MYO3A: variants seen among roughly 807,000 people sequenced by gnomAD.
MYO3A encodes myosin IIIA, also known as myosin-IIIa.
In MYO3A, 180 loss-of-function variants were observed where a neutral mutation model predicts 192.7. The observed-to-expected ratio is 0.93, with a 90% CI of 0.83 to 1.06. MYO3A has a LOEUF of 1.06. Among genes scored for constraint, MYO3A ranks in the 50% least tolerant of loss-of-function variants. MYO3A has a pLI of 0.00. For missense variants in MYO3A, 1,896 were observed against 1,905.0 expected, an observed-to-expected ratio of 1.00 and a Z score of 0.09; for synonymous variants, 628 against 645.3, an observed-to-expected ratio of 0.97 and a Z score of 0.41.
intron 18 of MYO3A, among the ~76,000 whole-genome samples, chr10:26,124,893 C>T (rs945588446): frequency 4.6e-5 from 7 of 152,140 alleles, no homozygotes; most frequent in Admixed American, 2.6e-4. Flanking sequence ...AGTATAAGTA[C>T]ATGAATGTCA....
At chr10:26,179,089 ATTTT>A (rs59025321) in intron 31 of MYO3A, among the ~76,000 whole-genome samples, 55 of 66,132 alleles carry the variant, frequency 8.3e-4, no homozygotes, top group African/African-American at 3.5e-3. Context: ...GCCCAGCCTA[ATTTT>A]TTTTTTTTTT....
chr10:26,008,902 C>T (rs1841422447), intron 6 of MYO3A, among the ~76,000 whole-genome samples: 1 of 151,774 alleles, frequency 6.6e-6, no homozygotes, highest in Admixed American at 6.6e-5. Flanking sequence ...GACTCTAAAT[C>T]ATGCTGCTAT....
rs539324401 is a variant in MYO3A at position 26,143,094 on chromosome 10, G to C, written c.2263-354G>C. 1.8e-4 allele frequency among the ~76,000 whole-genome samples: 27 copies of C among 152,310 alleles called. No individual in the cohort carries two copies. The South Asian group carries it at 5.4e-3, about 30-fold the overall frequency. On this transcript the variant is annotated intron_variant, in intron 20 of 34. Coordinates refer to ENST00000642920, the MANE Select transcript of MYO3A (RefSeq NM_017433.5). The stretch of plus-strand genomic sequence containing the variant: ...GCCTGTAATCCCAGCACTTTGGGAG[G>C]TTGAGGCGGGAGGATCACTTGAGGT...
chr10:26,007,939 A>G (rs1350056394), intron 6 of MYO3A, among the ~76,000 whole-genome samples: 1 of 152,118 alleles, frequency 6.6e-6, no homozygotes, highest in African/African-American at 2.4e-5. Flanking sequence ...ATCCTAAGCC[A>G]AAAGAACAAA....
intron 19 of MYO3A, among the ~76,000 whole-genome samples, chr10:26,125,947 T>C (rs947727231): frequency 2.0e-5 from 3 of 152,204 alleles, no homozygotes; most frequent in African/African-American, 7.2e-5. Context: ...TATGCTTGTA[T>C]AAAATGTCAG....
At chr10:26,033,488 A>G (rs1170875852) in intron 10 of MYO3A, among the ~76,000 whole-genome samples, 1 of 152,154 alleles carries the variant, frequency 6.6e-6, no homozygotes, top group Non-Finnish European at 1.5e-5. Context: ...AGTCCAAACC[A>G]GGACTAAATG....
chr10:25,994,574 C>T (rs565589681), intron 4 of MYO3A, among the ~76,000 whole-genome samples: 1 of 152,144 alleles, frequency 6.6e-6, no homozygotes, highest in Non-Finnish European at 1.5e-5. Flanking sequence ...TGGTTGTTTG[C>T]TCATTAGTTG....
In MYO3A at chr10:26,134,474, C is replaced by T. The variant is rs192167319; in HGVS notation, c.2262+5936C>T. Among the ~76,000 whole-genome samples the T allele has an allele frequency of 8.9e-3, 1,359 of 151,898 alleles. 29 individuals carry two copies. The highest frequency in any genetic ancestry group is 0.031 in the African/African-American group (1,276 of 41,428). On this transcript the variant is annotated intron_variant, in intron 20 of 34. Transcript: ENST00000642920. ...CGTTTTTACAGGACAAGTATTATCA[C>T]TGTTTTTTAGAATTTAAAAAAGTTA...
intron 34 of MYO3A, among the ~76,000 whole-genome samples, chr10:26,211,547 C>A (rs1248130737): frequency 6.6e-6 from 1 of 152,150 alleles, no homozygotes; most frequent in East Asian, 1.9e-4. Context: ...TGAATTATTG[C>A]AATCCAAACT....
At chr10:26,035,034 A>T (rs1339810) in intron 10 of MYO3A, among the ~76,000 whole-genome samples, 72,059 of 151,796 alleles carry the variant, frequency 0.47, 17,955 homozygotes, top group Middle Eastern at 0.59. Flanking sequence ...AGTAAAGGAA[A>T]TGTCCCTGTC....
intron 31 of MYO3A, among the ~76,000 whole-genome samples, chr10:26,187,406 C>T (rs1459409882): frequency 6.6e-6 from 1 of 152,140 alleles, no homozygotes; most frequent in Non-Finnish European, 1.5e-5. Flanking sequence ...ATCAAGGTGT[C>T]AGCAAGGTTG....
chr10:26,156,135 A>T (rs1384168517), intron 25 of MYO3A, among the ~76,000 whole-genome samples: 2 of 152,198 alleles, frequency 1.3e-5, no homozygotes, highest in African/African-American at 4.8e-5. Flanking sequence ...CGAGTAAAGG[A>T]ATGATGACTT....
intron 10 of MYO3A, among the ~76,000 whole-genome samples, chr10:26,040,843 G>C (rs1416159009): frequency 1.3e-5 from 2 of 152,060 alleles, no homozygotes; most frequent in Non-Finnish European, 2.9e-5. Flanking sequence ...TTACCCATGT[G>C]CTGAGGAGAA....
At chr10:25,938,291 A>T (rs867078687) in intron 2 of MYO3A, among the ~76,000 whole-genome samples, 2 of 152,226 alleles carry the variant, frequency 1.3e-5, no homozygotes, top group African/African-American at 4.8e-5. Context: ...GTCCTGGGGC[A>T]GAAAAGGGTT....
At chr10:26,077,325 A>ATTACTGAT (rs1835656859) in intron 14 of MYO3A, among the ~76,000 whole-genome samples, 1 of 139,590 alleles carries the variant, frequency 7.2e-6, no homozygotes, top group South Asian at 2.4e-4. Flanking sequence ...ATATAGAAGA[A>ATTACTGAT]TTACTGATTT....
chr10:26,142,089 C>T (rs548669679), intron 20 of MYO3A, among the ~76,000 whole-genome samples: 52 of 152,160 alleles, frequency 3.4e-4, no homozygotes, highest in Middle Eastern at 6.8e-3. Context: ...TGTGGAGGGC[C>T]GGGAGCTTGT....
chr10:26,052,647 G>A (rs1182089886), intron 10 of MYO3A, among the ~76,000 whole-genome samples: 1 of 152,206 alleles, frequency 6.6e-6, no homozygotes, highest in African/African-American at 2.4e-5. Flanking sequence ...CAAAACCATT[G>A]CTTGGATTTA....
intron 15 of MYO3A, among the ~76,000 whole-genome samples, chr10:26,091,755 T>C (rs892398407): frequency 2.0e-5 from 3 of 152,260 alleles, no homozygotes; most frequent in African/African-American, 7.2e-5. Context: ...AAGAGAATTT[T>C]AATAAGTTGC....
At chr10:26,103,497 A>G (rs1837605140) in intron 17 of MYO3A, among the ~76,000 whole-genome samples, 2 of 152,174 alleles carry the variant, frequency 1.3e-5, no homozygotes, top group South Asian at 2.1e-4. Context: ...AGCTGTTCCT[A>G]TTCGGCCATC....
Sources: gnomAD v4.1 joint callset for allele counts (sites outside exome capture counted in the v4.1 genomes callset) on GRCh38, gnomAD v4.1.1 for gene constraint, MANE v1.5 for transcripts, NCBI Gene and HGNC (gene_info 2026-07-23, HGNC 2026-07-21) for gene names.